The following PRKACB variants were observed in gnomAD, a reference collection of about 807,000 sequenced individuals.
PRKACB encodes the protein protein kinase cAMP-activated catalytic subunit beta.
PRKACB carries 16 observed loss-of-function variants against 51.4 expected under a neutral mutation model. The observed-to-expected ratio is 0.31, with a 90% CI of 0.21 to 0.47. PRKACB has a LOEUF of 0.47. Among genes scored for constraint, PRKACB ranks in the 20% least tolerant of loss-of-function variants. The pLI is 1.00. For missense variants in PRKACB, 309 were observed against 464.5 expected (o/e 0.67, Z 3.08); for synonymous variants, 147 against 154.4 (o/e 0.95, Z 0.35).
intron 9 of PRKACB, among the ~76,000 whole-genome samples, chr1:84,228,560 A>G (rs996609854): frequency 2.6e-5 from 4 of 151,488 alleles, no homozygotes; most frequent in African/African-American, 9.8e-5. Context: ...AAATGTATTC[A>G]GTACCCACAT....
At chr1:84,165,904 T>C (rs1657289681) in intron 1 of PRKACB, among the ~76,000 whole-genome samples, 1 of 151,756 alleles carries the variant, frequency 6.6e-6, no homozygotes, top group Admixed American at 6.6e-5. Context: ...TCTGATAACA[T>C]AACAGTCCTA....
chr1:84,164,897 A>AGT, intron 1 of PRKACB: 1 of 1,476,266 alleles, frequency 6.8e-7, no homozygotes, highest in South Asian at 1.4e-5. Flanking sequence ...TGCATGCTCC[A>AGT]GTGTGTGTGT....
At chr1:84,097,256 T>C (rs1305434728) in intron 1 of PRKACB, among the ~76,000 whole-genome samples, 1 of 152,060 alleles carries the variant, frequency 6.6e-6, no homozygotes, top group Admixed American at 6.6e-5. Flanking sequence ...GTTAGGTATA[T>C]ACCTATAAAT....
intron 1 of PRKACB, among the ~76,000 whole-genome samples, chr1:84,109,645 A>G (rs547852808): frequency 2.0e-4 from 31 of 152,060 alleles, no homozygotes; most frequent in East Asian, 1.7e-3. Context: ...TCCCTGAAAC[A>G]TTATGAAAAT....
intron 1 of PRKACB, among the ~76,000 whole-genome samples, chr1:84,136,490 C>CCACACATACACACA (rs1652824651): frequency 6.8e-6 from 1 of 146,650 alleles, no homozygotes; most frequent in Non-Finnish European, 1.5e-5. Context: ...ACGGCCAAAA[C>CCACACATACACACA]CACACACACA....
intron 5 of PRKACB, among the ~76,000 whole-genome samples, chr1:84,189,675 A>G (rs970366076): frequency 1.3e-5 from 2 of 152,124 alleles, no homozygotes; most frequent in Admixed American, 1.3e-4. Flanking sequence ...AATGAAGAGG[A>G]CAGCATTTCA....
chr1:84,105,794 T>C (rs1201681149), intron 1 of PRKACB, among the ~76,000 whole-genome samples: 2 of 151,992 alleles, frequency 1.3e-5, no homozygotes, highest in Non-Finnish European at 2.9e-5. Flanking sequence ...GTCAGGCTGA[T>C]CTCGAACTCC....
At chr1:84,170,516 C>T (rs564027957) in intron 1 of PRKACB, among the ~76,000 whole-genome samples, 3 of 151,644 alleles carry the variant, frequency 2.0e-5, no homozygotes, top group Admixed American at 1.3e-4. Context: ...AACACATTAT[C>T]AGAAGAGTTG....
At chr1:84,182,408 G>A in intron 3 of PRKACB, 80 bp downstream of exon 3, 1 of 1,115,672 alleles carries the variant, frequency 9.0e-7, no homozygotes, top group South Asian at 3.0e-5. Context: ...TCAGTATAAT[G>A]ACTTACCATT....
At chr1:84,156,358 C>A (rs1655501511) in intron 1 of PRKACB, among the ~76,000 whole-genome samples, 1 of 152,106 alleles carries the variant, frequency 6.6e-6, no homozygotes, top group Non-Finnish European at 1.5e-5. Context: ...AAAGTGGCCC[C>A]AACAAATTTT....
exon 1 of PRKACB, chr1:84,078,188 C>G (rs1647239416): frequency 1.1e-6 from 1 of 947,022 alleles, no homozygotes. Flanking sequence ...TCTTCGCGCC[C>G]GGACTCCTGG....
intron 1 of PRKACB, among the ~76,000 whole-genome samples, chr1:84,107,126 C>T (rs914099423): frequency 2.0e-5 from 3 of 151,930 alleles, no homozygotes; most frequent in Admixed American, 6.6e-5. Context: ...GATATGCCCC[C>T]GAACCTAAAA....
intron 9 of PRKACB, among the ~76,000 whole-genome samples, chr1:84,221,041 T>C (rs2101624180): frequency 6.6e-6 from 1 of 152,292 alleles, no homozygotes; most frequent in Non-Finnish European, 1.5e-5. Context: ...ATAAGGTTGA[T>C]AGAATTGAGC....
chr1:84,185,129 A>G lies in PRKACB; in HGVS notation c.507A>G (p.Glu169=). Residue 169 remains glutamate, a synonymous_variant, in exon 5 of 10, where the codon GAA becomes GAG. Transcript: ENST00000370685. ...ATTCTAATTTATACATGGTTATGGA[A>G]TATGTCCCTGGGGGTGAAATGTTTT... is the stretch of plus-strand genomic sequence containing the variant. ...KDNSNLYMVM[E]YVPGGEMFSH... The G allele has an allele frequency of 6.6e-7, 1 of 1,506,422 alleles. No individual in the cohort carries two copies. Among genetic ancestry groups the G allele is most frequent in the Non-Finnish European group, 8.9e-7 (1 of 1,128,874 alleles). 93.3% of individuals were successfully genotyped at this position (1,506,422 alleles called of 1,614,324 possible).
chr1:84,123,285 A>T (rs1472156408), intron 1 of PRKACB, among the ~76,000 whole-genome samples: 1 of 152,200 alleles, frequency 6.6e-6, no homozygotes, highest in East Asian at 1.9e-4. Flanking sequence ...ATATTACTTG[A>T]TAATTAAAAC....
At chr1:84,078,539 A>AC (rs1356867123) in intron 1 of PRKACB, among the ~76,000 whole-genome samples, 1 of 151,186 alleles carries the variant, frequency 6.6e-6, no homozygotes, top group Non-Finnish European at 1.5e-5. Context: ...CTCCATTCCG[A>AC]CCCCCCAGCT....
intron 1 of PRKACB, among the ~76,000 whole-genome samples, chr1:84,109,559 A>G (rs983413627): frequency 2.0e-5 from 3 of 151,900 alleles, no homozygotes; most frequent in African/African-American, 7.2e-5. Flanking sequence ...CAGTATTTAC[A>G]CTAATAGGTT....
chr1:84,193,407 A>G (rs191596095), intron 5 of PRKACB, among the ~76,000 whole-genome samples: 1 of 152,282 alleles, frequency 6.6e-6, no homozygotes, highest in Admixed American at 6.5e-5. Flanking sequence ...TATAGAGATG[A>G]ATCTCTAGAT....
chr1:84,176,726 T>A (rs568514992), intron 1 of PRKACB, among the ~76,000 whole-genome samples: 1 of 151,984 alleles, frequency 6.6e-6, no homozygotes, highest in African/African-American at 2.4e-5. Flanking sequence ...ATTCACAAAA[T>A]ATAATAATAT....
Sources: allele counts gnomAD v4.1 joint callset (sites outside exome capture counted in the v4.1 genomes callset), GRCh38; gene constraint gnomAD v4.1.1; transcripts MANE v1.5; gene names NCBI Gene and HGNC (gene_info 2026-07-23, HGNC 2026-07-21).